Variants in ZFHX3 observed in about 807,000 individuals in gnomAD.
ZFHX3 encodes zinc finger homeobox protein 3.
In ZFHX3, 42 loss-of-function variants were observed where a neutral mutation model predicts 279.1. The ratio of observed to expected loss-of-function variants is 0.15; its 90% CI spans 0.12 to 0.19. ZFHX3 has a LOEUF of 0.19. ZFHX3 is among the 10% of genes least tolerant of loss of function. The probability of loss-of-function intolerance (pLI) is 1.00; values close to 1 mark genes in which losing one functional copy is unlikely to be tolerated. For missense variants in ZFHX3, 4,981 were observed against 4,754.0 expected (o/e 1.05, Z -1.40); for synonymous variants, 2,293 against 1,957.8 (o/e 1.17, Z -4.52).
intron 1 of ZFHX3, among the ~76,000 whole-genome samples, chr16:73,720,484 G>A (rs954524608): frequency 1.3e-5 from 2 of 152,158 alleles, no homozygotes; most frequent in African/African-American, 2.4e-5. Context: ...ATGATAAAAT[G>A]TCATGTAGCC....
chr16:73,124,510 G>A (rs1013272789), intron 7 of ZFHX3, among the ~76,000 whole-genome samples: 7 of 152,134 alleles, frequency 4.6e-5, no homozygotes, highest in Admixed American at 2.6e-4. Context: ...TTCAGAGTGC[G>A]GGCTTTGGAG....
chr16:73,859,109 C>T (rs1961815177), intron 1 of ZFHX3, among the ~76,000 whole-genome samples: 1 of 152,130 alleles, frequency 6.6e-6, no homozygotes, highest in Non-Finnish European at 1.5e-5. Flanking sequence ...AATTTCAGTC[C>T]AACATGGGGA....
Position 72,959,419 on chromosome 16 carries a change from C to G in ZFHX3, c.727G>C (p.Asp243His), listed in dbSNP as rs867647027. Residue 243 changes from aspartate (D) to histidine (H), a missense_variant, in exon 2 of 10, where the codon GAT becomes CAT. Asp to His is a moderately conservative substitution (Grantham distance 81). This residue lies in a region of ZFHX3 where 1,068 missense variants were observed against 935.2 expected (regional missense o/e 1.14). Transcript: ENST00000268489. ...GCAGAACCGTCGCTGTTCAGGTAATCCTTGTTGCTTTTGTGTCGCACGTCA... is the reference window on the plus strand; with the variant it reads ...GCAGAACCGTCGCTGTTCAGGTAATGCTTGTTGCTTTTGTGTCGCACGTCA... ...VFDVRHKSNK[D>H]YLNSDGSAKS... 6 of 1,614,232 alleles carry G rather than the reference C, an allele frequency of 3.7e-6. No individual in the cohort carries two copies. The highest frequency in any genetic ancestry group is 1.6e-4 in the Middle Eastern group (1 of 6,062).
intron 5 of ZFHX3, among the ~76,000 whole-genome samples, chr16:73,158,288 CT>C (rs1254954597): frequency 3.9e-5 from 6 of 152,022 alleles, no homozygotes; most frequent in South Asian, 2.1e-4. Flanking sequence ...AGATAGGAGG[CT>C]TTTTTTCAAG....
chr16:73,239,360 T>C (rs2013049299), intron 5 of ZFHX3, among the ~76,000 whole-genome samples: 1 of 152,196 alleles, frequency 6.6e-6, no homozygotes, highest in Non-Finnish European at 1.5e-5. Context: ...TGGAGTTAAT[T>C]AGAAGCTCTG....
intron 1 of ZFHX3, among the ~76,000 whole-genome samples, chr16:73,046,619 G>A (rs1193549293): frequency 1.3e-5 from 2 of 152,026 alleles, no homozygotes; most frequent in African/African-American, 2.4e-5. Flanking sequence ...GCTGCTTGAC[G>A]GCAAGGAAAC....
rs531436437 is a variant in ZFHX3, at chr16:73,509,521, CTTTTTTTTTTTTTT to C, written c.-1546-53277_-1546-53264del. 2.9e-5 allele frequency among the ~76,000 whole-genome samples: 3 copies of C among 102,986 alleles called. No homozygotes were observed. The South Asian group carries it at 1.1e-3, about 39-fold the overall frequency. The allele number at this position is 102,986 out of a possible 152,430, so 67.6% of individuals were successfully genotyped here. A position where few individuals can be genotyped will look rare whatever the true frequency, so the allele number is the denominator to read the frequency against. On this transcript the variant is annotated intron_variant, in intron 2 of 17. Coordinates refer to the ZFHX3 transcript ENST00000641206. ...GACAGTTTAGCTTTCTTTCCCTCTC[CTTTTTTTTTTTTTT>C]TTTTTTTTTGAGACAATTTCACTCT...
At chr16:73,152,767 A>T (rs1454786140) in intron 5 of ZFHX3, among the ~76,000 whole-genome samples, 2 of 150,420 alleles carry the variant, frequency 1.3e-5, no homozygotes, top group African/African-American at 4.9e-5. Flanking sequence ...GCTTAAAAAA[A>T]AAAAAAAAAG....
chr16:73,213,914 C>T (rs1336161594), intron 5 of ZFHX3, among the ~76,000 whole-genome samples: 1 of 152,116 alleles, frequency 6.6e-6, no homozygotes, highest in Non-Finnish European at 1.5e-5. Context: ...TCTTTGTTCC[C>T]CGCTCCAATC....
chr16:73,439,935 CA>C lies in ZFHX3; in HGVS notation c.-1291+16067del, dbSNP rs796863818. Among the ~76,000 whole-genome samples the C allele has an allele frequency of 6.1e-4, 57 of 92,926 alleles. 1 individual carries two copies. Among genetic ancestry groups the C allele is most frequent in the South Asian group, 1.1e-3 (3 of 2,796 alleles). 61.0% of individuals were successfully genotyped at this position (92,926 alleles called of 152,430 possible). A position where few individuals can be genotyped will look rare whatever the true frequency, so the allele number is the denominator to read the frequency against. ...AAAAAAAAAAAAAAAAAAAAAAACA[CA>C]AAAAAAAAAACAAGGAGAAGGGCCA... On this transcript the variant is annotated intron_variant, in intron 3 of 17. Transcript: ENST00000641206.
At chr16:73,466,660 G>T (rs2143592771) in intron 2 of ZFHX3, among the ~76,000 whole-genome samples, 1 of 152,290 alleles carries the variant, frequency 6.6e-6, no homozygotes, top group Non-Finnish European at 1.5e-5. Context: ...ATGCATGTGT[G>T]CACAGTACTT....
rs79166235 is a variant in ZFHX3 at position 73,279,978 on chromosome 16, C to G, written c.-1193-22842G>C. On this transcript the variant is annotated intron_variant, in intron 4 of 17. Transcript: ENST00000641206. ...AGAAATAAACTCATGTATAGATGGT[C>G]AACTAAATTTTAACAAGAGTACCAA... 8.0e-3 allele frequency among the ~76,000 whole-genome samples: 1,224 copies of G among 152,128 alleles called. 7 individuals carry two copies. Among genetic ancestry groups the G allele is most frequent in the Non-Finnish European group, 0.013 (915 of 67,994 alleles).
chr16:73,118,155 A>G (rs1966453739), intron 7 of ZFHX3, among the ~76,000 whole-genome samples: 2 of 152,172 alleles, frequency 1.3e-5, no homozygotes, highest in South Asian at 2.1e-4. Flanking sequence ...TGTGGTCTAT[A>G]TTAGATACCA....
chr16:73,160,341 C>G (rs964289559), intron 5 of ZFHX3, among the ~76,000 whole-genome samples: 6 of 152,276 alleles, frequency 3.9e-5, no homozygotes, highest in Middle Eastern at 3.4e-3. Flanking sequence ...AGCCAAGGAC[C>G]TTATGAGTCT....
chr16:73,787,397 C>T (rs1959680112), intron 1 of ZFHX3, among the ~76,000 whole-genome samples: 1 of 152,136 alleles, frequency 6.6e-6, no homozygotes, highest in Non-Finnish European at 1.5e-5. Context: ...AGCAAGCGGC[C>T]CCATGCGTCC....
intron 1 of ZFHX3, among the ~76,000 whole-genome samples, chr16:73,797,889 A>C (rs1232021639): frequency 3.0e-5 from 4 of 134,798 alleles, no homozygotes; most frequent in African/African-American, 5.8e-5. Flanking sequence ...ATCTTGGCTC[A>C]CTCAACCTCT....
At position 73,621,529 on chromosome 16, in the gene ZFHX3, GAGGA is replaced by G. The variant is rs367790870; in HGVS notation, c.-1547+58647_-1547+58650del. On this transcript the variant is annotated intron_variant, in intron 2 of 17. Transcript: ENST00000641206. ...TTAATCTAAATGGTTGTGTTTATTT[GAGGA>G]AGGAAGGGAAAGGCCTTTACAAATA... Among the ~76,000 whole-genome samples the G allele has an allele frequency of 8.4e-4, 128 of 152,266 alleles. 2 individuals carry two copies. The highest frequency in any genetic ancestry group is 3.0e-3 in the African/African-American group (123 of 41,562).
intron 5 of ZFHX3, among the ~76,000 whole-genome samples, chr16:72,826,918 G>A (rs962585060): frequency 6.6e-6 from 1 of 152,156 alleles, no homozygotes; most frequent in Non-Finnish European, 1.5e-5. Flanking sequence ...CACTAGTGCT[G>A]TGAAGACACA....
chr16:73,286,967 A>AGCGTGTGGGT (rs2014622945), intron 4 of ZFHX3, among the ~76,000 whole-genome samples: 1 of 50,956 alleles, frequency 2.0e-5, no homozygotes, highest in African/African-American at 8.1e-5. Context: ...TGGCTGTGTG[A>AGCGTGTGGGT]GTGTGGGTCA....
Sources: gnomAD v4.1 joint callset for allele counts (sites outside exome capture counted in the v4.1 genomes callset) on GRCh38, gnomAD v4.1.1 for gene constraint, gnomAD v4.1.1 regional missense constraint, MANE v1.5 for transcripts, NCBI Gene and HGNC (gene_info 2026-07-23, HGNC 2026-07-21) for gene names.